Variants in THSD7B observed in about 807,000 individuals in gnomAD.
THSD7B encodes thrombospondin type 1 domain containing 7B, also known as thrombospondin type-1 domain-containing protein 7B.
A neutral mutation model predicts 213.6 loss-of-function variants in THSD7B; 138 were observed. The ratio of observed to expected loss-of-function variants is 0.65; its 90% CI spans 0.56 to 0.74. The LOEUF is 0.74. Among genes scored for constraint, THSD7B ranks in the 30% least tolerant of loss-of-function variants. The probability of loss-of-function intolerance (pLI) is 0.00; values close to 1 mark genes in which losing one functional copy is unlikely to be tolerated. For synonymous variants in THSD7B, 742 were observed against 687.0 expected (o/e 1.08, Z -1.25); for missense variants, 1,931 against 1,991.5 (o/e 0.97, Z 0.58).
At chr2:137,445,393 T>G (rs550886415) in intron 14 of THSD7B, among the ~76,000 whole-genome samples, 1 of 151,936 alleles carries the variant, frequency 6.6e-6, no homozygotes, top group Non-Finnish European at 1.5e-5. Flanking sequence ...AGAAAATATG[T>G]ATATACACAA....
At chr2:136,792,287 A>G (rs375787387) in intron 1 of THSD7B, among the ~76,000 whole-genome samples, 23 of 151,972 alleles carry the variant, frequency 1.5e-4, no homozygotes, top group African/African-American at 4.6e-4. Flanking sequence ...AATGATTCCA[A>G]CTATATGATA....
chr2:137,638,987 C>T (rs939279513), intron 20 of THSD7B, among the ~76,000 whole-genome samples: 12 of 149,904 alleles, frequency 8.0e-5, no homozygotes, highest in Non-Finnish European at 1.5e-4. Flanking sequence ...TGCAGCCTGA[C>T]GATGCAGTAT....
intron 15 of THSD7B, among the ~76,000 whole-genome samples, chr2:137,466,565 C>A (rs768513019): frequency 4.2e-4 from 64 of 151,938 alleles, no homozygotes; most frequent in Non-Finnish European, 7.9e-4. Context: ...CAAGACAATT[C>A]TTCTTCCAAT....
At chr2:137,018,938 G>T (rs1314805893) in intron 2 of THSD7B, among the ~76,000 whole-genome samples, 2 of 152,028 alleles carry the variant, frequency 1.3e-5, no homozygotes, top group Non-Finnish European at 2.9e-5. Flanking sequence ...TGTTTTTACT[G>T]TTTCAAATAT....
intron 12 of THSD7B, among the ~76,000 whole-genome samples, chr2:137,395,006 T>C (rs1686139201): frequency 6.9e-6 from 1 of 144,792 alleles, no homozygotes; most frequent in East Asian, 2.0e-4. Flanking sequence ...TTTTGTACAT[T>C]GATTTTGTAT....
At chr2:137,583,524 G>A (rs189968327) in intron 17 of THSD7B, among the ~76,000 whole-genome samples, 2,392 of 152,166 alleles carry the variant, frequency 0.016, 60 homozygotes, top group African/African-American at 0.053. Flanking sequence ...TATAAGGTGT[G>A]AGGAAGGGAT....
chr2:136,999,018 C>G (rs1321802189), intron 2 of THSD7B, among the ~76,000 whole-genome samples: 3 of 151,570 alleles, frequency 2.0e-5, no homozygotes, highest in Admixed American at 6.6e-5. Context: ...CAAGTTTCAC[C>G]TCCTTGTTGA....
At chr2:137,338,943 A>G (rs1684699812) in intron 12 of THSD7B, among the ~76,000 whole-genome samples, 1 of 152,072 alleles carries the variant, frequency 6.6e-6, no homozygotes, top group African/African-American at 2.4e-5. Flanking sequence ...TGTCTTTTGC[A>G]TGATTCCATA....
At chr2:137,490,884 T>G (rs1476026264) in intron 15 of THSD7B, among the ~76,000 whole-genome samples, 2 of 152,212 alleles carry the variant, frequency 1.3e-5, no homozygotes, top group African/African-American at 4.8e-5. Flanking sequence ...AGAAAAATAA[T>G]AAATTCAAGC....
At chr2:136,912,252 G>C (rs1303999536) in intron 2 of THSD7B, among the ~76,000 whole-genome samples, 2 of 150,552 alleles carry the variant, frequency 1.3e-5, no homozygotes, top group Admixed American at 1.3e-4. Context: ...AACCTGGGAG[G>C]TGGAGGTTGC....
intron 15 of THSD7B, among the ~76,000 whole-genome samples, chr2:137,546,443 ATT>A (rs1491491480): frequency 0.013 from 387 of 29,626 alleles, 63 homozygotes; most frequent in African/African-American, 0.029. Flanking sequence ...TATTATATAT[ATT>A]ATATATATAT....
chr2:137,361,485 A>G (rs954372727), intron 12 of THSD7B, among the ~76,000 whole-genome samples: 4 of 152,186 alleles, frequency 2.6e-5, no homozygotes, highest in African/African-American at 4.8e-5. Context: ...AAAACCTTGA[A>G]AAAAGATTAG....
intron 2 of THSD7B, among the ~76,000 whole-genome samples, chr2:137,017,473 G>A (rs539036661): frequency 8.5e-5 from 13 of 152,158 alleles, no homozygotes; most frequent in South Asian, 2.1e-4. Context: ...GAAAGAGGGC[G>A]GAGCTTGGGA....
At chr2:137,136,993 G>T (rs1391638793) in intron 5 of THSD7B, among the ~76,000 whole-genome samples, 2 of 152,098 alleles carry the variant, frequency 1.3e-5, no homozygotes, top group Non-Finnish European at 2.9e-5. Flanking sequence ...GTTAGAATTT[G>T]TCCTGAGATG....
At chr2:137,356,951 C>T (rs1411611010) in intron 12 of THSD7B, among the ~76,000 whole-genome samples, 2 of 112,360 alleles carry the variant, frequency 1.8e-5, no homozygotes, top group Non-Finnish European at 3.6e-5. Context: ...CACACATACA[C>T]ACACACACAC....
chr2:137,084,078 T>C (rs891242495), intron 3 of THSD7B, among the ~76,000 whole-genome samples: 3 of 132,172 alleles, frequency 2.3e-5, no homozygotes, highest in African/African-American at 8.7e-5. Flanking sequence ...TTACTTCTAA[T>C]CAGTATTTTT....
intron 27 of THSD7B, among the ~76,000 whole-genome samples, chr2:137,675,445 T>TATATGC (rs1199450259): frequency 1.5e-4 from 17 of 114,450 alleles, no homozygotes; most frequent in Admixed American, 4.7e-4. Flanking sequence ...TATATATATA[T>TATATGC]ATGCGGACAG....
chr2:137,266,391 T>C (rs1163096818), intron 10 of THSD7B, among the ~76,000 whole-genome samples: 2 of 152,234 alleles, frequency 1.3e-5, no homozygotes, highest in African/African-American at 2.4e-5. Flanking sequence ...ATATTAATCA[T>C]AAAAAGCATT....
At chr2:137,315,216 G>A (rs1426628910) in intron 12 of THSD7B, among the ~76,000 whole-genome samples, 1 of 152,192 alleles carries the variant, frequency 6.6e-6, no homozygotes, top group Admixed American at 6.5e-5. Context: ...CTGGTGCGCT[G>A]TTTTTTAAGC....
Sources: allele counts gnomAD v4.1 joint callset (sites outside exome capture counted in the v4.1 genomes callset), GRCh38; gene constraint gnomAD v4.1.1; transcripts MANE v1.5; gene names NCBI Gene and HGNC (gene_info 2026-07-23, HGNC 2026-07-21).